The following RNF6 variants were observed in gnomAD, a reference collection of about 807,000 sequenced individuals.
The protein encoded by RNF6 is E3 ubiquitin-protein ligase RNF6.
A neutral mutation model predicts 50.1 loss-of-function variants in RNF6; 21 were observed. The ratio of observed to expected loss-of-function variants is 0.42; its 90% CI spans 0.30 to 0.60. RNF6 has a LOEUF of 0.60. RNF6 is among the 20% of genes least tolerant of loss of function. RNF6 has a pLI of 0.20. For missense variants in RNF6, 698 were observed against 838.2 expected, an observed-to-expected ratio of 0.83 and a Z score of 2.07; for synonymous variants, 255 against 291.8, an observed-to-expected ratio of 0.87 and a Z score of 1.29.
chr13:26,206,233 G>A (rs907245351), intron 5 of RNF6, among the ~76,000 whole-genome samples: 1 of 151,722 alleles, frequency 6.6e-6, no homozygotes, highest in African/African-American at 2.4e-5. Flanking sequence ...TTGGGGAGGG[G>A]AGCCAGCAGA....
chr13:26,169,622 C>T (rs143763739), intron 5 of RNF6, among the ~76,000 whole-genome samples: 27 of 152,260 alleles, frequency 1.8e-4, no homozygotes, highest in African/African-American at 6.5e-4. Flanking sequence ...CCTTAAGACC[C>T]AGGAAATGTC....
intron 1 of RNF6, 151 bp from the exon 2 acceptor site, chr13:26,221,481 T>C (rs1200967423): frequency 6.6e-6 from 1 of 152,174 alleles, no homozygotes; most frequent in Non-Finnish European, 1.5e-5. Flanking sequence ...CCCCATACAA[T>C]TAGGTCACGA....
chr13:26,145,867 T>C (rs1327135686), intron 5 of RNF6, among the ~76,000 whole-genome samples: 1 of 152,200 alleles, frequency 6.6e-6, no homozygotes, highest in Non-Finnish European at 1.5e-5. Context: ...GACCTCACTC[T>C]ACAGGTCAGG....
chr13:26,134,372 C>A (rs534354371), intron 5 of RNF6, among the ~76,000 whole-genome samples: 1 of 152,198 alleles, frequency 6.6e-6, no homozygotes, highest in African/African-American at 2.4e-5. Context: ...CATGGGTGAG[C>A]GTGAGGCCAC....
chr13:26,172,499 A>G (rs1344452219), intron 5 of RNF6, among the ~76,000 whole-genome samples: 1 of 152,214 alleles, frequency 6.6e-6, no homozygotes, highest in Non-Finnish European at 1.5e-5. Flanking sequence ...GTGCATTAAA[A>G]CAGCAAGATA....
At chr13:26,211,691 G>T (rs1293236395), downstream of RNF6, among the ~76,000 whole-genome samples, 7 of 152,132 alleles carry the variant, frequency 4.6e-5, no homozygotes, top group Non-Finnish European at 8.8e-5. Flanking sequence ...CTGTGAGGCG[G>T]AGGTTGCAGC....
chr13:26,145,083 G>A (rs1871158505), intron 5 of RNF6, among the ~76,000 whole-genome samples: 1 of 152,144 alleles, frequency 6.6e-6, no homozygotes, highest in Non-Finnish European at 1.5e-5. Flanking sequence ...TGGCCTTGCT[G>A]GTTAAAAGTG....
chr13:26,177,762 A>C (rs996207312), intron 5 of RNF6, among the ~76,000 whole-genome samples: 1 of 152,232 alleles, frequency 6.6e-6, no homozygotes, highest in Non-Finnish European at 1.5e-5. Flanking sequence ...CTCTGCCAAA[A>C]GGCTACGGCA....
intron 5 of RNF6, among the ~76,000 whole-genome samples, chr13:26,189,156 A>C (rs1194694905): frequency 3.9e-5 from 6 of 151,974 alleles, no homozygotes; most frequent in Non-Finnish European, 7.4e-5. Context: ...TGGTGAAACT[A>C]TGTCTCTACT....
chr13:26,203,750 A>G (rs918085375), intron 5 of RNF6, among the ~76,000 whole-genome samples: 1 of 152,028 alleles, frequency 6.6e-6, no homozygotes, highest in African/African-American at 2.4e-5. Context: ...TCACGAGCTC[A>G]GGAGATCGAG....
intron 5 of RNF6, among the ~76,000 whole-genome samples, chr13:26,157,959 A>ATAGG (rs1323957301): frequency 1.3e-4 from 7 of 52,752 alleles, no homozygotes; most frequent in Non-Finnish European, 2.4e-4. Flanking sequence ...TAGCTAGAAG[A>ATAGG]TAGATAGATA....
chr13:26,150,540 CTT>C (rs1484849901), intron 5 of RNF6, among the ~76,000 whole-genome samples: 1 of 152,122 alleles, frequency 6.6e-6, no homozygotes, highest in Non-Finnish European at 1.5e-5. Flanking sequence ...CCGCTTAAGA[CTT>C]TGACCTACAG....
At chr13:26,145,020 T>C (rs1235511175) in intron 5 of RNF6, 1 of 152,166 alleles carries the variant, frequency 6.6e-6, no homozygotes, top group African/African-American at 2.4e-5. Flanking sequence ...GTGAACCAAA[T>C]TGTGACACAG....
intron 5 of RNF6, among the ~76,000 whole-genome samples, chr13:26,173,142 A>G (rs1198117343): frequency 6.6e-6 from 1 of 152,218 alleles, no homozygotes; most frequent in East Asian, 1.9e-4. Flanking sequence ...TAAGAGTATA[A>G]ACGGATACAA....
chr13:26,221,608 A>C (rs1333451159), intron 1 of RNF6: 1 of 152,184 alleles, frequency 6.6e-6, no homozygotes, highest in Non-Finnish European at 1.5e-5. Context: ...TCCCGTTCCC[A>C]TTCGGATGTT....
downstream of RNF6, among the ~76,000 whole-genome samples, chr13:26,208,088 A>T (rs1869180061): frequency 6.6e-6 from 1 of 152,230 alleles, no homozygotes; most frequent in Admixed American, 6.5e-5. Flanking sequence ...ATGGAGAAGA[A>T]GATTTAGGTG....
rs532375109 is a variant in RNF6 at position 26,142,984 on chromosome 13, G to A, written n.769-10533C>T. 2.6e-5 allele frequency among the ~76,000 whole-genome samples: 4 copies of A among 152,072 alleles called. 1 individual carries two copies. The highest frequency in any genetic ancestry group is 9.6e-5 in the African/African-American group (4 of 41,510). ...CACACACAAACATATTCATAACAAAGTAAAGAGGAAATACTCATGATAGGT... is the reference window on the plus strand; with the variant it reads ...CACACACAAACATATTCATAACAAAATAAAGAGGAAATACTCATGATAGGT... On this transcript the variant is annotated intron_variant and non_coding_transcript_variant, in intron 5 of 5. Transcript: ENST00000468480.
At chr13:26,136,349 T>C (rs1369736721) in intron 5 of RNF6, among the ~76,000 whole-genome samples, 1 of 152,194 alleles carries the variant, frequency 6.6e-6, no homozygotes, top group Non-Finnish European at 1.5e-5. Context: ...ATGGGTCCAT[T>C]ATAATTTCCA....
chr13:26,161,214 A>G (rs1002127126), intron 5 of RNF6, among the ~76,000 whole-genome samples: 1 of 152,234 alleles, frequency 6.6e-6, no homozygotes, highest in Admixed American at 6.5e-5. Context: ...ATACCATACT[A>G]GTTGAATTGC....
Sources: allele counts gnomAD v4.1 joint callset (sites outside exome capture counted in the v4.1 genomes callset), GRCh38; gene constraint gnomAD v4.1.1; transcripts MANE v1.5; gene names NCBI Gene and HGNC (gene_info 2026-07-23, HGNC 2026-07-21).